Variants in ARHGEF2 observed in about 807,000 individuals in gnomAD.
ARHGEF2 encodes the protein Rho/Rac guanine nucleotide exchange factor 2, also known as rho guanine nucleotide exchange factor 2.
ARHGEF2 carries 22 observed loss-of-function variants against 121.0 expected under a neutral mutation model. The ratio of observed to expected loss-of-function variants is 0.18; its 90% CI spans 0.13 to 0.26. ARHGEF2 has a LOEUF of 0.26. Ranked by LOEUF, ARHGEF2 falls within the 10% of genes least tolerant of loss-of-function variation. The pLI, the probability that ARHGEF2 is intolerant of heterozygous loss-of-function variation, is 1.00. For missense variants in ARHGEF2, 907 were observed against 1,336.0 expected (o/e 0.68, Z 5.01); for synonymous variants, 487 against 530.0 (o/e 0.92, Z 1.11).
Position 155,950,498 on chromosome 1 carries a change from AG to A in ARHGEF2, c.2704-17del. The A allele has an allele frequency of 2.5e-6, 4 of 1,611,990 alleles. No homozygotes were observed. The highest frequency in any genetic ancestry group is 1.7e-5 in the Admixed American group (1 of 60,010). On this transcript the variant is annotated splice_polypyrimidine_tract_variant and intron_variant, in intron 20 of 21. Transcript: ENST00000361247. The surrounding 1 kb of genome is among the most constrained non-coding windows in gnomAD (Gnocchi z 5.2). ...CTCGGCTGGGCTGTGGACAGTGGGCAGGAAGAACAGCAGGTCAGGGACTGAG... is the reference window on the plus strand; with the variant it reads ...CTCGGCTGGGCTGTGGACAGTGGGCAGAAGAACAGCAGGTCAGGGACTGAG...
chr1:155,952,065 T>C (rs548203736), intron 16 of ARHGEF2, 51 bp downstream of exon 16: 1 of 1,614,088 alleles, frequency 6.2e-7, no homozygotes, highest in Admixed American at 1.7e-5. Context: ...ACCACTCTAC[T>C]AACTTTGGCC....
chr1:155,949,659 G>A (rs1444512076), intron 21 of ARHGEF2, among the ~76,000 whole-genome samples: 1 of 150,972 alleles, frequency 6.6e-6, no homozygotes, highest in Admixed American at 6.6e-5. Flanking sequence ...CAGGTGGATC[G>A]CGAGGTCAGC....
rs1553245009 is a variant in ARHGEF2 at position 155,964,180 on chromosome 1, A to ATATATATG, written c.724+807_724+808insCATATATA. On this transcript the variant is annotated intron_variant, in intron 7 of 21. Transcript: ENST00000361247. The stretch of plus-strand genomic sequence containing the variant: ...AAAAAAAAAAAAAATATATATATAT[A>ATATATATG]TATATATATATATATATACATATAT... 5.7e-4 allele frequency among the ~76,000 whole-genome samples: 58 copies of ATATATATG among 101,532 alleles called. 1 individual carries two copies. Among genetic ancestry groups the ATATATATG allele is most frequent in the Admixed American group, 1.0e-3 (8 of 7,832 alleles). 66.6% of individuals were successfully genotyped at this position (101,532 alleles called of 152,430 possible).
chr1:155,952,556 T>C (rs1030646538), intron 15 of ARHGEF2, 72 bp downstream of exon 15: 1 of 1,493,034 alleles, frequency 6.7e-7, no homozygotes. Context: ...TGTTTGTCCA[T>C]GTCTAGTCAC....
At chr1:155,959,144 T>C (rs911372074) in intron 11 of ARHGEF2, among the ~76,000 whole-genome samples, 10 of 152,342 alleles carry the variant, frequency 6.6e-5, no homozygotes, top group Non-Finnish European at 1.5e-4. Context: ...ATAACTCGTG[T>C]ATTTTTTTGG....
In ARHGEF2 at chr1:155,966,443, A is replaced by G; in HGVS notation, c.313T>C (p.Leu105=). The change falls in exon 4 of 22, where the codon TTG becomes CTG. Residue 105 remains leucine, a synonymous_variant. Coordinates refer to ENST00000361247, the MANE Select transcript of ARHGEF2 (RefSeq NM_001162383.2). ...KAALLKNNTA[L]QSVSLRSKTT... is the part of the protein sequence containing the mutation. ...TTACTTCGAAGAGAAACGGACTGCA[A>G]GGCGGTGTTGTTCTTCAGCAGGGCC... is the stretch of plus-strand genomic sequence containing the variant. 6.2e-7 allele frequency: 1 copy of G among 1,614,140 alleles called. No homozygotes were observed. The highest frequency in any genetic ancestry group is 8.5e-7 in the Non-Finnish European group (1 of 1,179,998).
upstream of ARHGEF2, chr1:155,979,112 G>A (rs114676679): frequency 2.3e-3 from 2,263 of 985,596 alleles, 28 homozygotes; most frequent in African/African-American, 0.031. Flanking sequence ...CAGTACACGG[G>A]AAGGGTAGGA....
chr1:155,951,467 C>A lies in ARHGEF2; in HGVS notation c.2259+16G>T. The A allele has an allele frequency of 6.2e-7, 1 of 1,614,084 alleles. No homozygotes were observed. Among genetic ancestry groups the A allele is most frequent in the Non-Finnish European group, 8.5e-7 (1 of 1,179,968 alleles). On this transcript the variant is annotated intron_variant, in intron 19 of 21. Transcript: ENST00000361247. The surrounding 1 kb of genome is among the most constrained non-coding windows in gnomAD (Gnocchi z 5.1). ...TGGCTCCTCCCCTTCCCCATTCAAG[C>A]CCTTGTCCTACTGACCTGTAGGCCA... is the stretch of plus-strand genomic sequence containing the variant.
chr1:155,971,492 T>C (rs931703752), intron 1 of ARHGEF2, among the ~76,000 whole-genome samples: 1 of 142,584 alleles, frequency 7.0e-6, no homozygotes, highest in African/African-American at 2.5e-5. Context: ...GGCAGGAGAA[T>C]TGCTTGAACC....
rs772957998 is a variant in ARHGEF2 at position 155,961,634 on chromosome 1, C to A, written c.1468+27G>T. Reference sequence around the variant, plus strand: ...CCACTCTCCATCTGACTTTGAATTCCTGCCTAGTCTGCCGAGCAGGTCTGA... The same window carrying A: ...CCACTCTCCATCTGACTTTGAATTCATGCCTAGTCTGCCGAGCAGGTCTGA... On this transcript the variant is annotated intron_variant, in intron 11 of 21. Coordinates refer to ENST00000361247, the MANE Select transcript of ARHGEF2 (RefSeq NM_001162383.2). The surrounding 1 kb of genome is among the most constrained non-coding windows in gnomAD (Gnocchi z 4.7). 9 of 1,593,420 alleles carry A rather than the reference C, an allele frequency of 5.6e-6. No individual in the cohort carries two copies. The highest frequency in any genetic ancestry group is 8.5e-7 in the Non-Finnish European group (1 of 1,171,144).
intron 14 of ARHGEF2, among the ~76,000 whole-genome samples, chr1:155,953,958 A>C (rs1215202375): frequency 6.6e-6 from 1 of 151,922 alleles, no homozygotes; most frequent in Middle Eastern, 3.2e-3. Context: ...TGTTGACAGC[A>C]ATAATATTCT....
In ARHGEF2 at chr1:155,951,696, GA is replaced by G. The variant is rs1211753608; in HGVS notation, c.2208+44del. 1 of 1,613,222 alleles carries G rather than the reference GA, an allele frequency of 6.2e-7. No individual in the cohort carries two copies. The highest frequency in any genetic ancestry group is 1.1e-5 in the South Asian group (1 of 91,020). ...ACTGGGCTCTAACTACTCAGACTAA[GA>G]ACATCCTCCCTTCAGTCTCCTATAC... On this transcript the variant is annotated intron_variant, in intron 18 of 21. Coordinates refer to ENST00000361247, the MANE Select transcript of ARHGEF2 (RefSeq NM_001162383.2). This position sits in a 1 kb window ranked among gnomAD's most constrained non-coding sequence, Gnocchi z 5.1.
In ARHGEF2 at chr1:155,965,377, C is replaced by T. The variant is rs1346859914; in HGVS notation, c.506G>A (p.Arg169Gln). 12 of 1,614,008 alleles carry T rather than the reference C, an allele frequency of 7.4e-6. No individual in the cohort carries two copies. Among genetic ancestry groups the T allele is most frequent in the East Asian group, 2.2e-5 (1 of 44,894 alleles). Residue 169 changes from arginine (R) to glutamine (Q), a missense_variant, in exon 6 of 22, where the codon CGG becomes CAG. By Grantham distance (43) the Arg-to-Gln change is conservative. Transcript: ENST00000361247. The surrounding 1 kb of genome is among the most constrained non-coding windows in gnomAD (Gnocchi z 6.0). ...GGAGTCTGTGGACTGTGAGAGGATCCGGCGCAGCCCCAGGGGAGACTCATC... is the reference window on the plus strand; with the variant it reads ...GGAGTCTGTGGACTGTGAGAGGATCTGGCGCAGCCCCAGGGGAGACTCATC... ...FNDESPLGLR[R>Q]ILSQSTDSLN...
chr1:155,963,893 C>T (rs1678504604), intron 7 of ARHGEF2, among the ~76,000 whole-genome samples: 1 of 150,248 alleles, frequency 6.7e-6, no homozygotes, highest in Non-Finnish European at 1.5e-5. Context: ...GCCTATAATC[C>T]CAGCACTTTG....
intron 1 of ARHGEF2, chr1:155,970,910 T>C (rs957264494): frequency 8.4e-5 from 83 of 986,450 alleles, no homozygotes; most frequent in Non-Finnish European, 9.3e-5. Context: ...TCTCCCCTCA[T>C]GCATCCTCCC....
chr1:155,960,149 A>T (rs1001110010), intron 11 of ARHGEF2, among the ~76,000 whole-genome samples: 2 of 152,154 alleles, frequency 1.3e-5, no homozygotes, highest in Non-Finnish European at 2.9e-5. Context: ...GATCAATTCC[A>T]TAAAACTTGG....
intron 1 of ARHGEF2, among the ~76,000 whole-genome samples, chr1:155,971,953 T>TA (rs1393894625): frequency 4.6e-5 from 7 of 151,106 alleles, no homozygotes; most frequent in Admixed American, 3.3e-4. Flanking sequence ...AAAATAGTAT[T>TA]AAAAAAAACA....
intron 11 of ARHGEF2, among the ~76,000 whole-genome samples, chr1:155,958,806 G>A (rs973384882): frequency 1.9e-4 from 29 of 150,210 alleles, no homozygotes; most frequent in African/African-American, 6.6e-4. Flanking sequence ...TCAAACTCCT[G>A]ACCTCAGGTT....
Position 155,965,025 on chromosome 1 carries a change from A to T in ARHGEF2, c.687T>A (p.His229Gln). 6.2e-7 allele frequency: 1 copy of T among 1,614,078 alleles called. No homozygotes were observed. Among genetic ancestry groups the T allele is most frequent in the African/African-American group, 1.3e-5 (1 of 74,990 alleles). Residue 229 changes from histidine to glutamine, a missense_variant, in exon 7 of 22, where the codon CAT becomes CAA. Physicochemically the swap from His to Gln is conservative, Grantham distance 24 (BLOSUM62 0). Around this residue, in one of 2 missense-constraint regions of ARHGEF2, gnomAD observed 475 missense variants for 776.5 expected, o/e 0.61. Transcript: ENST00000361247. This position sits in a 1 kb window ranked among gnomAD's most constrained non-coding sequence, Gnocchi z 6.0. Reference protein sequence around the residue: ...LAVDSSFLQQHKKEVMKQQDV... With the variant: ...LAVDSSFLQQQKKEVMKQQDV... ...CTTGCTGCTTCATCACCTCCTTTTT[A>T]TGCTGCTGCAGGAAGCTGCTGTCCA...
Sources: gnomAD v4.1 joint callset for allele counts (sites outside exome capture counted in the v4.1 genomes callset) on GRCh38, gnomAD v4.1.1 for gene constraint, gnomAD v4.1.1 regional missense constraint, Gnocchi (gnomAD v3.1) non-coding constraint, MANE v1.5 for transcripts, NCBI Gene and HGNC (gene_info 2026-07-23, HGNC 2026-07-21) for gene names.